The following ARSG variants were observed in gnomAD, a reference collection of about 807,000 sequenced individuals.
ARSG encodes arylsulfatase G.
In ARSG, 37 loss-of-function variants were observed where a neutral mutation model predicts 50.5. The ratio of observed to expected loss-of-function variants is 0.73; its 90% CI spans 0.56 to 0.96. The LOEUF is 0.96. ARSG is among the 50% of genes least tolerant of loss of function. The pLI, the probability that ARSG is intolerant of heterozygous loss-of-function variation, is 0.00. For synonymous variants in ARSG, 225 were observed against 254.6 expected (o/e 0.88, Z 1.11); for missense variants, 629 against 675.3 (o/e 0.93, Z 0.76).
At chr17:68,293,733 C>T (rs1471932038) in intron 1 of ARSG, among the ~76,000 whole-genome samples, 1 of 152,084 alleles carries the variant, frequency 6.6e-6, no homozygotes, top group African/African-American at 2.4e-5. Flanking sequence ...AAGGTTACAC[C>T]ATGTTTATAG....
chr17:68,364,652 C>A (rs1758848507), intron 6 of ARSG, among the ~76,000 whole-genome samples: 1 of 152,170 alleles, frequency 6.6e-6, no homozygotes, highest in African/African-American at 2.4e-5. Flanking sequence ...TGAGGATAAC[C>A]TGTTTTAATA....
At chr17:68,323,406 TATTA>T (rs372830302) in intron 2 of ARSG, among the ~76,000 whole-genome samples, 1 of 152,140 alleles carries the variant, frequency 6.6e-6, no homozygotes, top group East Asian at 1.9e-4. Context: ...AGAACCCTCT[TATTA>T]ATTAATTAAT....
chr17:68,415,751 C>T (rs1005655780), intron 11 of ARSG, among the ~76,000 whole-genome samples: 5 of 152,264 alleles, frequency 3.3e-5, no homozygotes, highest in Admixed American at 1.3e-4. Flanking sequence ...CTGTTGGACA[C>T]GGCCTTTTAC....
chr17:68,388,203 A>G (rs1014901778), intron 9 of ARSG, among the ~76,000 whole-genome samples: 1 of 152,096 alleles, frequency 6.6e-6, no homozygotes, highest in Admixed American at 6.5e-5. Flanking sequence ...AGCACATGGG[A>G]AAAGGTTTCA....
At chr17:68,423,115 G>A (rs1244050500), downstream of ARSG, among the ~76,000 whole-genome samples, 2 of 152,150 alleles carry the variant, frequency 1.3e-5, no homozygotes, top group African/African-American at 4.8e-5. This position sits in a 1 kb window ranked among gnomAD's most constrained non-coding sequence, Gnocchi z 4.4. Flanking sequence ...CAAGAGAGGC[G>A]ATTTTAACCA....
chr17:68,368,411 G>A, intron 6 of ARSG, 137 bp from the exon 7 acceptor site: 1 of 715,640 alleles, frequency 1.4e-6, no homozygotes, highest in Non-Finnish European at 2.3e-6. Flanking sequence ...GGAAGATTCT[G>A]GATAAATGTG....
At chr17:68,287,878 G>C (rs1254498625), upstream of ARSG, among the ~76,000 whole-genome samples, 1 of 151,820 alleles carries the variant, frequency 6.6e-6, no homozygotes, top group African/African-American at 2.4e-5. Flanking sequence ...GAAAGTGCTT[G>C]GTTGCAGAAT....
chr17:68,451,020 G>A, the ARSG span: 1 of 1,346,686 alleles, frequency 7.4e-7, no homozygotes. Context: ...TGCCGGCCAG[G>A]CGCCCTCTCT....
chr17:68,395,024 G>A (rs902942795), intron 9 of ARSG, 49 bp from the exon 10 acceptor site: 1 of 1,608,322 alleles, frequency 6.2e-7, no homozygotes, highest in African/African-American at 1.3e-5. Flanking sequence ...GCAGGGTCAG[G>A]GAGCGAGTCA....
At chr17:68,385,572 GGA>G (rs2080677932) in intron 9 of ARSG, among the ~76,000 whole-genome samples, 1 of 126,938 alleles carries the variant, frequency 7.9e-6, no homozygotes, top group African/African-American at 2.9e-5. Context: ...GGAGGGGAGG[GGA>G]GAGGAGGGGA....
chr17:68,391,867 T>A (rs2081008904), intron 9 of ARSG, among the ~76,000 whole-genome samples: 1 of 152,168 alleles, frequency 6.6e-6, no homozygotes, highest in Admixed American at 6.5e-5. Flanking sequence ...CTCCATGGAC[T>A]GTGGGAGCCA....
downstream of ARSG, among the ~76,000 whole-genome samples, chr17:68,425,019 C>G (rs1405266808): frequency 6.6e-6 from 1 of 152,218 alleles, no homozygotes; most frequent in African/African-American, 2.4e-5. Flanking sequence ...AAGGAAGCCC[C>G]AGCAGGCTCT....
the ARSG span, among the ~76,000 whole-genome samples, chr17:68,442,814 G>A: frequency 6.6e-5 from 10 of 152,132 alleles, no homozygotes; most frequent in South Asian, 2.1e-4. Context: ...GGCTGCTGGC[G>A]CACCTGTCTC....
chr17:68,426,242 T>TC, downstream of ARSG: 4 of 669,004 alleles, frequency 6.0e-6, no homozygotes, highest in Non-Finnish European at 8.8e-6. Context: ...ACCTGGCGGG[T>TC]GGGGAGCGGG....
rs190405986 is a variant in ARSG at position 68,265,051 on chromosome 17, G to A, written c.-552+5625G>A. On this transcript the variant is annotated intron_variant, in intron 1 of 11. Transcript: ENST00000448504. ...TGCCTGTAATCCCAGCTACTTTGGA[G>A]GCTGAGGAAGGAGAATCACTTGAAC... Among the ~76,000 whole-genome samples, 6 of 151,446 alleles carry A rather than the reference G, an allele frequency of 4.0e-5. No individual in the cohort carries two copies. In the East Asian group the frequency reaches 1.2e-3, roughly 30 times the overall value.
At chr17:68,350,408 G>A (rs2078702627) in intron 4 of ARSG, among the ~76,000 whole-genome samples, 1 of 152,232 alleles carries the variant, frequency 6.6e-6, no homozygotes, top group Admixed American at 6.5e-5. Context: ...AGCTGAAGCA[G>A]TTACCTGGGT....
At position 68,343,800 on chromosome 17, in the gene ARSG, G is replaced by A. The variant is rs776397865; in HGVS notation, c.406+9G>A. ...CGTCACTGGGATAATAGGTAACTCT[G>A]GGCCCCGTCTGCCTGTTGCATTTAC... is the stretch of plus-strand genomic sequence containing the variant. On this transcript the variant is annotated intron_variant, in intron 3 of 11. Coordinates refer to ENST00000621439, the MANE Select transcript of ARSG (RefSeq NM_001267727.2). 1.9e-6 allele frequency: 3 copies of A among 1,600,492 alleles called. No individual in the cohort carries two copies. Among genetic ancestry groups the A allele is most frequent in the Non-Finnish European group, 2.6e-6 (3 of 1,170,602 alleles).
chr17:68,280,683 A>G (rs977508991), intron 1 of ARSG, among the ~76,000 whole-genome samples: 16 of 152,232 alleles, frequency 1.1e-4, no homozygotes, highest in Non-Finnish European at 2.9e-5. Context: ...CTATAAAACT[A>G]CTAGAAGAAA....
chr17:68,352,047 A>G (rs1847609206), intron 5 of ARSG, among the ~76,000 whole-genome samples: 1 of 147,766 alleles, frequency 6.8e-6, no homozygotes, highest in Non-Finnish European at 1.5e-5. Context: ...GGGAGAGAGC[A>G]GAGGAGAGAG....
Sources: gnomAD v4.1 joint callset for allele counts (sites outside exome capture counted in the v4.1 genomes callset) on GRCh38, gnomAD v4.1.1 for gene constraint, Gnocchi (gnomAD v3.1) non-coding constraint, MANE v1.5 for transcripts, NCBI Gene and HGNC (gene_info 2026-07-23, HGNC 2026-07-21) for gene names.